Variants in EVC2 observed in about 807,000 individuals in gnomAD.
EVC2 encodes the protein EvC ciliary complex subunit 2.
In EVC2, 148 loss-of-function variants were observed where a neutral mutation model predicts 149.3. That is an observed-to-expected ratio of 0.99 (90% CI 0.87 to 1.14). EVC2 has a LOEUF of 1.14. Ranked by LOEUF, EVC2 falls within the 50% of genes most tolerant of loss-of-function variation. EVC2 has a pLI of 0.00. For missense variants in EVC2, 1,854 were observed against 1,627.3 expected (o/e 1.14, Z -2.40); for synonymous variants, 776 against 649.9 (o/e 1.19, Z -2.95).
downstream of EVC2, among the ~76,000 whole-genome samples, chr4:5,558,169 G>A (rs751980958): frequency 4.6e-5 from 7 of 152,164 alleles, no homozygotes; most frequent in African/African-American, 4.8e-5. Flanking sequence ...TTACTATATA[G>A]CTACAGTAAT....
At chr4:5,709,502 C>G (rs941894306), upstream of EVC2, 5 of 152,188 alleles carry the variant, frequency 3.3e-5, no homozygotes, top group Non-Finnish European at 5.9e-5. Context: ...CCTTTCCTGA[C>G]CTAACATGGA....
In EVC2 at chr4:5,576,121, A is replaced by G; in HGVS notation, c.3272+119T>C. ...CAGCTCGTGTTGGAGCAATGGGATG[A>G]CACCTTAGGCAAGAGGGTGAGAGCC... On this transcript the variant is annotated intron_variant, in intron 18 of 21. Transcript: ENST00000344408. The surrounding 1 kb of genome is among the most constrained non-coding windows in gnomAD (Gnocchi z 4.5). 2 of 1,534,980 alleles carry G rather than the reference A, an allele frequency of 1.3e-6. No homozygotes were observed. The highest frequency in any genetic ancestry group is 1.8e-6 in the Non-Finnish European group (2 of 1,119,960).
intron 14 of EVC2, among the ~76,000 whole-genome samples, chr4:5,619,354 T>C (rs1197736754): frequency 2.0e-5 from 3 of 152,172 alleles, no homozygotes; most frequent in Non-Finnish European, 2.9e-5. Flanking sequence ...TAATGCAATA[T>C]AACTGGTGTC....
rs774185697 is a variant in EVC2, at chr4:5,622,565, G to A, written c.2473C>T (p.Leu825=). 1.2e-6 allele frequency: 2 copies of A among 1,613,958 alleles called. No individual in the cohort carries two copies. Among genetic ancestry groups the A allele is most frequent in the Non-Finnish European group, 8.5e-7 (1 of 1,179,978 alleles). ...PEAVTEEQAE[L]RRWEHLIFMK... ...AAGATCAGGTGCTCCCAGCGTCGCA[G>A]CTCTGCCTGCTCCTCTGTCACGGCC... is the stretch of plus-strand genomic sequence containing the variant. Residue 825 remains leucine, a synonymous_variant, in exon 14 of 22, where the codon CTG becomes TTG. Coordinates refer to ENST00000344408, the MANE Select transcript of EVC2 (RefSeq NM_147127.5). This position sits in a 1 kb window ranked among gnomAD's most constrained non-coding sequence, Gnocchi z 5.8.
intron 16 of EVC2, among the ~76,000 whole-genome samples, chr4:5,585,606 G>A (rs1395899206): frequency 6.6e-6 from 1 of 152,024 alleles, no homozygotes; most frequent in African/African-American, 2.4e-5. Context: ...GCTTAATTGA[G>A]GTATAACTTC....
At chr4:5,639,593 G>A (rs1423108975) in intron 10 of EVC2, among the ~76,000 whole-genome samples, 1 of 152,202 alleles carries the variant, frequency 6.6e-6, no homozygotes, top group Non-Finnish European at 1.5e-5. Flanking sequence ...GACTTGCAGT[G>A]CCTAATTAAG....
chr4:5,632,129 A>T (rs1716588793), intron 10 of EVC2, 97 bp from the exon 11 acceptor site: 2 of 1,481,266 alleles, frequency 1.4e-6, no homozygotes, highest in Middle Eastern at 2.4e-4. Flanking sequence ...GTGCACACAC[A>T]ATGTGTACAT....
chr4:5,594,642 G>A (rs908688055), intron 16 of EVC2, among the ~76,000 whole-genome samples: 6 of 151,976 alleles, frequency 3.9e-5, no homozygotes, highest in African/African-American at 1.4e-4. Context: ...GCAGAAAAAC[G>A]AAACTCTAAA....
chr4:5,568,729 G>A, intron 19 of EVC2, 89 bp from the exon 20 acceptor site: 1 of 1,345,306 alleles, frequency 7.4e-7, no homozygotes, highest in Non-Finnish European at 1.0e-6. Context: ...AGGACATTCT[G>A]TCCTGGAGTG....
chr4:5,702,156 C>T (rs553016288), intron 1 of EVC2, among the ~76,000 whole-genome samples: 15 of 152,222 alleles, frequency 9.9e-5, no homozygotes, highest in African/African-American at 2.6e-4. Flanking sequence ...AGGCCTTGCC[C>T]GTCCCCCACT....
chr4:5,654,506 T>C (rs1718370718), intron 9 of EVC2, among the ~76,000 whole-genome samples: 1 of 152,232 alleles, frequency 6.6e-6, no homozygotes, highest in African/African-American at 2.4e-5. Flanking sequence ...AAGGCGACTC[T>C]GCTCACCTGC....
chr4:5,635,130 G>T (rs1484756877), intron 10 of EVC2, among the ~76,000 whole-genome samples: 2 of 138,630 alleles, frequency 1.4e-5, no homozygotes, highest in African/African-American at 2.7e-5. Context: ...TCCGCCCTCT[G>T]GGTTCAAGTG....
Position 5,562,516 on chromosome 4 carries a change from G to A in EVC2, c.*332C>T, listed in dbSNP as rs1577092655. On this transcript the variant is annotated 3_prime_UTR_variant, in exon 22 of 22. Transcript: ENST00000344408. The surrounding 1 kb of genome is among the most constrained non-coding windows in gnomAD (Gnocchi z 4.3). The stretch of plus-strand genomic sequence containing the variant: ...GTAACAAATACAAAACATAAGAGTA[G>A]AGAATCTGGCTGTCACCACACAGAC... The A allele has an allele frequency of 8.5e-7, 1 of 1,181,792 alleles. No homozygotes were observed. The highest frequency in any genetic ancestry group is 4.6e-5 in the East Asian group (1 of 21,812). The allele number at this position is 1,181,792 out of a possible 1,614,324, so 73.2% of individuals were successfully genotyped here.
chr4:5,618,374 T>G lies in EVC2; in HGVS notation c.2706+104A>C. On this transcript the variant is annotated intron_variant, in intron 15 of 21. Transcript: ENST00000344408. The surrounding 1 kb of genome is among the most constrained non-coding windows in gnomAD (Gnocchi z 4.4). ...CCAGAGAGGAGAGGATAGGGGAGCA[T>G]GAGGTGAGATGGGCTCAGGCTGGGG... 5.5e-6 allele frequency: 7 copies of G among 1,263,312 alleles called. No individual in the cohort carries two copies. The highest frequency in any genetic ancestry group is 6.9e-6 in the Non-Finnish European group (6 of 873,686). 78.3% of individuals were successfully genotyped at this position (1,263,312 alleles called of 1,614,324 possible).
chr4:5,651,791 C>A (rs75156717), intron 9 of EVC2, among the ~76,000 whole-genome samples: 5,848 of 152,300 alleles, frequency 0.038, 357 homozygotes, highest in African/African-American at 0.13. Context: ...AGCTAGCTGC[C>A]CCTCCAGGCT....
At chr4:5,546,377 T>A (rs1326486684) in intron 21 of EVC2, among the ~76,000 whole-genome samples, 2 of 152,164 alleles carry the variant, frequency 1.3e-5, no homozygotes, top group Non-Finnish European at 2.9e-5. Context: ...TGGAATACTA[T>A]GCAGCCATAA....
In EVC2 at chr4:5,572,453, C is replaced by A. The variant is rs944669042; in HGVS notation, c.3360+2232G>T. On this transcript the variant is annotated intron_variant, in intron 19 of 21. Coordinates refer to ENST00000344408, the MANE Select transcript of EVC2 (RefSeq NM_147127.5). ...AAGGGCTCCAGGGAACTAGCTTAGCCCTTTTTGCCTTCCCATCCCCTCTGC... is the reference window on the plus strand; with the variant it reads ...AAGGGCTCCAGGGAACTAGCTTAGCACTTTTTGCCTTCCCATCCCCTCTGC... 3.3e-5 allele frequency among the ~76,000 whole-genome samples: 5 copies of A among 152,088 alleles called. No individual in the cohort carries two copies. The South Asian group carries it at 1.0e-3, about 32-fold the overall frequency.
Position 5,697,587 on chromosome 4 carries a change from A to G in EVC2, c.283+6T>C, listed in dbSNP as rs2151739515. The stretch of plus-strand genomic sequence containing the variant: ...CAGGGGAACATCAACCAGAAGAAAA[A>G]CTCACCTGCAGTCTTAAAGTGACAG... On this transcript the variant is annotated splice_donor_region_variant and intron_variant, in intron 2 of 21. Transcript: ENST00000344408. 2 of 1,613,954 alleles carry G rather than the reference A, an allele frequency of 1.2e-6. No individual in the cohort carries two copies. The highest frequency in any genetic ancestry group is 4.5e-5 in the East Asian group (2 of 44,884).
intron 17 of EVC2, among the ~76,000 whole-genome samples, chr4:5,580,498 C>T (rs968907393): frequency 6.6e-6 from 1 of 152,204 alleles, no homozygotes; most frequent in Admixed American, 6.5e-5. Context: ...GTAAACAGCA[C>T]AACTATGTGT....
Sources: allele counts gnomAD v4.1 joint callset (sites outside exome capture counted in the v4.1 genomes callset), GRCh38; gene constraint gnomAD v4.1.1; non-coding constraint Gnocchi (gnomAD v3.1); transcripts MANE v1.5; gene names NCBI Gene and HGNC (gene_info 2026-07-23, HGNC 2026-07-21).